Variants in TEAD1 observed in about 807,000 individuals in gnomAD.
TEAD1 encodes the protein TEA domain transcription factor 1.
In TEAD1, 9 loss-of-function variants were observed where a neutral mutation model predicts 54.9. The ratio of observed to expected loss-of-function variants is 0.16; its 90% CI spans 0.10 to 0.29. TEAD1 has a LOEUF of 0.29. TEAD1 is among the 10% of genes least tolerant of loss of function. The pLI is 1.00. For synonymous variants in TEAD1, 200 were observed against 187.8 expected (o/e 1.07, Z -0.53); for missense variants, 387 against 535.9 (o/e 0.72, Z 2.74).
intron 3 of TEAD1, among the ~76,000 whole-genome samples, chr11:12,799,557 A>G (rs1465476860): frequency 6.6e-6 from 1 of 152,206 alleles, no homozygotes; most frequent in Non-Finnish European, 1.5e-5. Flanking sequence ...ACAGTGCTTT[A>G]CAGTTTATAA....
chr11:12,878,798 C>T (rs1190440037), intron 5 of TEAD1: 1 of 673,562 alleles, frequency 1.5e-6, no homozygotes, highest in Non-Finnish European at 2.2e-6. Context: ...TGTATATATA[C>T]ACATATATAT....
chr11:12,758,070 C>T (rs1945020549), intron 2 of TEAD1, among the ~76,000 whole-genome samples: 1 of 152,114 alleles, frequency 6.6e-6, no homozygotes, highest in South Asian at 2.1e-4. Context: ...CGTGAACTGC[C>T]ATGCCTGGAG....
intron 2 of TEAD1, among the ~76,000 whole-genome samples, chr11:12,712,415 C>T (rs760116057): frequency 9.2e-5 from 14 of 152,146 alleles, no homozygotes; most frequent in African/African-American, 2.4e-4. Context: ...GTGCTGCTGT[C>T]GGTGCATGAT....
At chr11:12,700,722 G>A (rs934766613) in intron 2 of TEAD1, among the ~76,000 whole-genome samples, 2 of 152,084 alleles carry the variant, frequency 1.3e-5, no homozygotes, top group East Asian at 3.8e-4. Flanking sequence ...TTATAATACT[G>A]TTGCTTTTGC....
intron 2 of TEAD1, among the ~76,000 whole-genome samples, chr11:12,718,024 G>C (rs1590080293): frequency 6.6e-6 from 1 of 152,130 alleles, no homozygotes; most frequent in African/African-American, 2.4e-5. Flanking sequence ...TTGTGGTTGT[G>C]GTGGTGGTGG....
At chr11:12,829,366 A>G (rs1436487925) in intron 3 of TEAD1, among the ~76,000 whole-genome samples, 2 of 152,100 alleles carry the variant, frequency 1.3e-5, no homozygotes, top group Non-Finnish European at 2.9e-5. Flanking sequence ...AAACTCTCCC[A>G]ACCCAGGTGG....
At chr11:12,898,141 T>G (rs16911733) in intron 9 of TEAD1, among the ~76,000 whole-genome samples, 21,577 of 152,068 alleles carry the variant, frequency 0.14, 1,760 homozygotes, top group South Asian at 0.23. Flanking sequence ...GTCTCTTCCT[T>G]CCTTCCTTCA....
At chr11:12,841,246 C>T (rs1414749602) in intron 3 of TEAD1, among the ~76,000 whole-genome samples, 2 of 152,198 alleles carry the variant, frequency 1.3e-5, no homozygotes, top group Non-Finnish European at 2.9e-5. Flanking sequence ...AGAATGTAAG[C>T]TCAGTGGGTA....
At chr11:12,794,967 G>T (rs1047949955) in intron 3 of TEAD1, among the ~76,000 whole-genome samples, 1 of 152,210 alleles carries the variant, frequency 6.6e-6, no homozygotes, top group Non-Finnish European at 1.5e-5. Context: ...ATCTCAGCAA[G>T]GGAGATGCTA....
intron 3 of TEAD1, among the ~76,000 whole-genome samples, chr11:12,769,693 T>C (rs924555162): frequency 1.3e-5 from 2 of 152,118 alleles, no homozygotes; most frequent in African/African-American, 4.8e-5. Flanking sequence ...ATGAACATCA[T>C]GTGGCATCTT....
intron 3 of TEAD1, among the ~76,000 whole-genome samples, chr11:12,773,593 G>A (rs1338650366): frequency 6.6e-6 from 1 of 152,048 alleles, no homozygotes; most frequent in East Asian, 1.9e-4. Context: ...CATGTCTTTT[G>A]TTCGTTTTCT....
chr11:12,725,714 ATGTT>A (rs1944297468), intron 2 of TEAD1, among the ~76,000 whole-genome samples: 1 of 152,322 alleles, frequency 6.6e-6, no homozygotes, highest in Middle Eastern at 3.4e-3. Context: ...TAAAAGCAAA[ATGTT>A]TGCAGTGGTC....
chr11:12,838,370 C>T (rs10765999), intron 3 of TEAD1, among the ~76,000 whole-genome samples: 90,914 of 151,988 alleles, frequency 0.6, 29,164 homozygotes, highest in East Asian at 0.77. Flanking sequence ...AGGGAGAAAA[C>T]CAACCTTTAC....
intron 3 of TEAD1, among the ~76,000 whole-genome samples, chr11:12,852,280 G>A (rs1024520913): frequency 6.6e-6 from 1 of 152,008 alleles, no homozygotes; most frequent in South Asian, 2.1e-4. Context: ...ATGAGAACCT[G>A]TTGGTATAGG....
chr11:12,763,717 A>G (rs1180226440), intron 2 of TEAD1, among the ~76,000 whole-genome samples: 1 of 152,208 alleles, frequency 6.6e-6, no homozygotes, highest in East Asian at 1.9e-4. Flanking sequence ...CTTATAAATT[A>G]CTTGTTCTGC....
intron 3 of TEAD1, among the ~76,000 whole-genome samples, chr11:12,853,200 A>G (rs1477400831): frequency 6.6e-6 from 1 of 152,092 alleles, no homozygotes; most frequent in African/African-American, 2.4e-5. Context: ...CTTAAGGGTT[A>G]TTGCAGCTAT....
chr11:12,918,485 T>C (rs1948752653), intron 10 of TEAD1, among the ~76,000 whole-genome samples: 1 of 152,112 alleles, frequency 6.6e-6, no homozygotes, highest in Non-Finnish European at 1.5e-5. Flanking sequence ...AATGGCAAAT[T>C]GGTTATTTAC....
chr11:12,932,865 T>A (rs1158349993), intron 12 of TEAD1, among the ~76,000 whole-genome samples: 2 of 152,216 alleles, frequency 1.3e-5, no homozygotes, highest in Non-Finnish European at 2.9e-5. Context: ...AAGTGCCCTA[T>A]ATAGGTGAAC....
At chr11:12,927,445 G>A (rs1948923469) in intron 11 of TEAD1, among the ~76,000 whole-genome samples, 2 of 152,184 alleles carry the variant, frequency 1.3e-5, no homozygotes, top group Non-Finnish European at 2.9e-5. Context: ...TTTGATTACA[G>A]TGGCTTTATA....
Sources: gnomAD v4.1 joint callset for allele counts (sites outside exome capture counted in the v4.1 genomes callset) on GRCh38, gnomAD v4.1.1 for gene constraint, MANE v1.5 for transcripts, NCBI Gene and HGNC (gene_info 2026-07-23, HGNC 2026-07-21) for gene names.